The following NACA variants were observed in gnomAD, a reference collection of about 807,000 sequenced individuals.
NACA encodes nascent polypeptide-associated complex subunit alpha.
A neutral mutation model predicts 86.4 loss-of-function variants in NACA; 42 were observed. That is an observed-to-expected ratio of 0.49 (90% CI 0.38 to 0.63). The LOEUF is 0.63. Among genes scored for constraint, NACA ranks in the 20% least tolerant of loss-of-function variants. The pLI, the probability that NACA is intolerant of heterozygous loss-of-function variation, is 0.00. For synonymous variants in NACA, 898 were observed against 973.7 expected (o/e 0.92, Z 1.45); for missense variants, 2,157 against 2,483.6 (o/e 0.87, Z 2.80).
In NACA at chr12:56,716,805, G is replaced by T; in HGVS notation, c.4725C>A (p.Ser1575=). ...PTPKEAPATP[S]SKEASSPPAV... is the part of the protein sequence containing the mutation. ...CTGGGGGACTGGAGGCCTCTTTGGAGGATGGGGTAGCTGGGGCTTCTTTGG... is the reference window on the plus strand; with the variant it reads ...CTGGGGGACTGGAGGCCTCTTTGGATGATGGGGTAGCTGGGGCTTCTTTGG... Residue 1575 remains serine, a synonymous_variant, in exon 3 of 9, where the codon TCC becomes TCA. Coordinates refer to ENST00000454682, the MANE Select transcript of NACA (RefSeq NM_001365896.1). 7.5e-7 allele frequency: 1 copy of T among 1,340,902 alleles called. No individual in the cohort carries two copies. The highest frequency in any genetic ancestry group is 9.8e-7 in the Non-Finnish European group (1 of 1,024,418). The allele number at this position is 1,340,902 out of a possible 1,614,324, so 83.1% of individuals were successfully genotyped here. A position where few individuals can be genotyped will look rare whatever the true frequency, so the allele number is the denominator to read the frequency against.
chr12:56,717,223 G>C lies in NACA; in HGVS notation c.4307C>G (p.Pro1436Arg). The change falls in exon 3 of 9, where the codon CCA becomes CGA. Residue 1436 changes from proline to arginine, a missense_variant. By Grantham distance (103) the Pro-to-Arg change is moderately radical. Transcript: ENST00000454682. Reference protein sequence around the residue: ...ATPSKGDLTPPAVTPVSLKKA... With the variant: ...ATPSKGDLTPRAVTPVSLKKA... The stretch of plus-strand genomic sequence containing the variant: ...TTTGAGGGAGACAGGAGTCACTGCT[G>C]GGGGAGTGAGATCTCCTTTGGATGG... 7.6e-7 allele frequency: 1 copy of C among 1,318,242 alleles called. No individual in the cohort carries two copies. Among genetic ancestry groups the C allele is most frequent in the Non-Finnish European group, 9.9e-7 (1 of 1,011,716 alleles). 81.7% of individuals were successfully genotyped at this position (1,318,242 alleles called of 1,614,324 possible).
In NACA at chr12:56,717,079, A is replaced by C; in HGVS notation, c.4451T>G (p.Val1484Gly). Residue 1484 changes from valine (V) to glycine (G), a missense_variant, in exon 3 of 9, where the codon GTT becomes GGT. This residue lies in a region of NACA where 797 missense variants were observed against 777.6 expected (regional missense o/e 1.02). Transcript: ENST00000454682. Reference protein sequence around the residue: ...SPKEPPAPKQVATSSSPKKAP... With the variant: ...SPKEPPAPKQGATSSSPKKAP... ...CTTTTTGGGAGAGGAAGAAGTGGCA[A>C]CTTGTTTGGGGGCTGGGGGCTCCTT... 1 of 1,175,086 alleles carries C rather than the reference A, an allele frequency of 8.5e-7. No homozygotes were observed. Among genetic ancestry groups the C allele is most frequent in the Non-Finnish European group, 1.1e-6 (1 of 941,306 alleles). The allele number at this position is 1,175,086 out of a possible 1,614,324, so 72.8% of individuals were successfully genotyped here. A position where few individuals can be genotyped will look rare whatever the true frequency, so the allele number is the denominator to read the frequency against.
chr12:56,718,163 T>G lies in NACA; in HGVS notation c.3367A>C (p.Lys1123Gln), dbSNP rs761002168. 1.5e-5 allele frequency: 13 copies of G among 840,900 alleles called. 4 individuals are homozygous for G. The highest frequency in any genetic ancestry group is 1.1e-5 in the Non-Finnish European group (8 of 697,228). 52.1% of individuals were successfully genotyped at this position (840,900 alleles called of 1,614,324 possible). A position where few individuals can be genotyped will look rare whatever the true frequency, so the allele number is the denominator to read the frequency against. Residue 1123 changes from lysine to glutamine, a missense_variant, in exon 3 of 9, where the codon AAA (lysine) becomes CAA (glutamine). Around this residue, in one of 8 missense-constraint regions of NACA, gnomAD observed 124 missense variants for 186.5 expected, o/e 0.66. Transcript: ENST00000454682. ...PKGGLATPPHKGAPTTPAATP... is the reference protein window; with the variant it reads ...PKGGLATPPHQGAPTTPAATP... ...GCAGCTGGGGTTGTGGGTGCCCCTT[T>G]GTGGGGTGGGGTAGCTAGACCTCCT... is the stretch of plus-strand genomic sequence containing the variant.
intron 8 of NACA, 88 bp downstream of exon 8, chr12:56,712,698 A>C: frequency 6.2e-7 from 1 of 1,605,046 alleles, no homozygotes; most frequent in South Asian, 1.1e-5. Context: ...GAGGTTCCTT[A>C]ATTGGCTGAT....
Position 56,721,009 on chromosome 12 carries a change from G to A in NACA, c.521C>T (p.Thr174Ile), listed in dbSNP as rs1953559803. The change falls in exon 3 of 9, where the codon ACT (threonine) becomes ATT (isoleucine). Residue 174 changes from threonine (T) to isoleucine (I), a missense_variant. Coordinates refer to ENST00000454682, the MANE Select transcript of NACA (RefSeq NM_001365896.1). ...TGAGGGAGCAATGGGAGCTGACAGA[G>A]TTATCACTGACCCTGACTCAGCTAC... is the stretch of plus-strand genomic sequence containing the variant. ...VAVAESGSVI[T>I]LSAPIAPSEP... 3 of 1,613,920 alleles carry A rather than the reference G, an allele frequency of 1.9e-6. No homozygotes were observed. Among genetic ancestry groups the A allele is most frequent in the Non-Finnish European group, 2.5e-6 (3 of 1,179,900 alleles).
rs890684112 is a variant in NACA, at chr12:56,721,219, G to C, written c.311C>G (p.Pro104Arg). The change falls in exon 3 of 9, where the codon CCA becomes CGA. Residue 104 changes from proline to arginine, a missense_variant. Coordinates refer to ENST00000454682, the MANE Select transcript of NACA (RefSeq NM_001365896.1). ...GGAGATGGGAGGCCCTATTAGGTTT[G>C]GTAGGAAGGTTGGGGCTTCAGGGGC... The part of the protein sequence containing the change: ...GTAPEAPTFL[P>R]NLIGPPISPA... The C allele has an allele frequency of 6.2e-7, 1 of 1,613,692 alleles. No individual in the cohort carries two copies. Among genetic ancestry groups the C allele is most frequent in the South Asian group, 1.1e-5 (1 of 91,082 alleles).
intron 5 of NACA, 77 bp downstream of exon 5, chr12:56,714,285 A>C (rs1953288828): frequency 2.7e-6 from 4 of 1,491,140 alleles, no homozygotes; most frequent in South Asian, 2.4e-5. Context: ...CCTGTTCCCC[A>C]AAAACCTATG....
rs376361769 is a variant in NACA at position 56,717,547 on chromosome 12, G to A, written c.3983C>T (p.Pro1328Leu). 253 of 1,299,956 alleles carry A rather than the reference G, an allele frequency of 1.9e-4. 1 individual carries two copies. Among genetic ancestry groups the A allele is most frequent in the Non-Finnish European group, 2.3e-4 (231 of 1,002,776 alleles). The allele number at this position is 1,299,956 out of a possible 1,614,324, so 80.5% of individuals were successfully genotyped here. A position where few individuals can be genotyped will look rare whatever the true frequency, so the allele number is the denominator to read the frequency against. The change falls in exon 3 of 9, where the codon CCC becomes CTC. Residue 1328 changes from proline to leucine, a missense_variant. Transcript: ENST00000454682. ...PSPKGSPGTP[P>L]PKGAPTPPAV... ...TGGGGGAGTGGGGGCCCCTTTGGGGGGTGGGGTACCTGGGCTTCCTTTTGG... is the reference window on the plus strand; with the variant it reads ...TGGGGGAGTGGGGGCCCCTTTGGGGAGTGGGGTACCTGGGCTTCCTTTTGG...
Position 56,719,860 on chromosome 12 carries a change from G to C in NACA, c.1670C>G (p.Pro557Arg). 1 of 1,613,924 alleles carries C rather than the reference G, an allele frequency of 6.2e-7. No homozygotes were observed. Among genetic ancestry groups the C allele is most frequent in the South Asian group, 1.1e-5 (1 of 91,070 alleles). ...TGCCTGGACTAACGGTAATACAGTAGGGTCTTTCTTGGTGGTGAGTCCTGC... is the reference window on the plus strand; with the variant it reads ...TGCCTGGACTAACGGTAATACAGTACGGTCTTTCTTGGTGGTGAGTCCTGC... ...AQAGLTTKKD[P>R]TVLPLVQAAP... Residue 557 changes from proline (P) to arginine (R), a missense_variant, in exon 3 of 9, where the codon CCT becomes CGT. Physicochemically the swap from Pro to Arg is moderately radical, Grantham distance 103. Coordinates refer to ENST00000454682, the MANE Select transcript of NACA (RefSeq NM_001365896.1).
rs758758576 is a variant in NACA at position 56,716,812 on chromosome 12, G to A, written c.4718C>T (p.Thr1573Ile). The stretch of plus-strand genomic sequence containing the variant: ...ACTGGAGGCCTCTTTGGAGGATGGG[G>A]TAGCTGGGGCTTCTTTGGGGGTTGG... The part of the protein sequence containing the change: ...AIPTPKEAPA[T>I]PSSKEASSPP... Residue 1573 changes from threonine to isoleucine, a missense_variant, in exon 3 of 9, where the codon ACC becomes ATC. Thr to Ile is a moderately conservative substitution (Grantham distance 89, BLOSUM62 -1). Around this residue, in one of 8 missense-constraint regions of NACA, gnomAD observed 797 missense variants for 777.6 expected, o/e 1.02. Coordinates refer to ENST00000454682, the MANE Select transcript of NACA (RefSeq NM_001365896.1). 2.3e-6 allele frequency: 3 copies of A among 1,333,236 alleles called. No homozygotes were observed. Among genetic ancestry groups the A allele is most frequent in the Non-Finnish European group, 2.9e-6 (3 of 1,020,656 alleles). The allele number at this position is 1,333,236 out of a possible 1,614,324, so 82.6% of individuals were successfully genotyped here. A position where few individuals can be genotyped will look rare whatever the true frequency, so the allele number is the denominator to read the frequency against.
Position 56,716,466 on chromosome 12 carries a change from TG to T in NACA, c.5063del (p.Pro1688GlnfsTer86), listed in dbSNP as rs2137807837. The T allele has an allele frequency of 1.3e-6, 2 of 1,558,826 alleles. No homozygotes were observed. The highest frequency in any genetic ancestry group is 5.0e-5 in the East Asian group (2 of 40,208). ...TGATGATTGGCGTGCTTTCTGGAGCTGGGGCAACAAGTACTTCTTTCAGAGC... is the reference window on the plus strand; with the variant it reads ...TGATGATTGGCGTGCTTTCTGGAGCTGGGCAACAAGTACTTCTTTCAGAGC... ...PTALKEVLVA[P>X]APESTPIITA... On this transcript the variant is annotated frameshift_variant, in exon 3 of 9. Coordinates refer to ENST00000454682, the MANE Select transcript of NACA (RefSeq NM_001365896.1). LOFTEE classifies it high-confidence loss of function.
chr12:56,712,659 A>G, intron 8 of NACA, 107 bp from the exon 9 acceptor site: 1 of 1,595,788 alleles, frequency 6.3e-7, no homozygotes, highest in Non-Finnish European at 8.6e-7. Context: ...ACTAAAACCT[A>G]TACGGCAACT....
chr12:56,714,197 G>T (rs1249470870), intron 5 of NACA, 165 bp downstream of exon 5: 4 of 644,352 alleles, frequency 6.2e-6, no homozygotes, highest in Non-Finnish European at 1.1e-5. Flanking sequence ...TGGGTTCAGT[G>T]TATACTGCTT....
At position 56,721,249 on chromosome 12, in the gene NACA, C is replaced by T. The variant is rs779904430; in HGVS notation, c.281G>A (p.Gly94Glu). The T allele has an allele frequency of 6.2e-7, 1 of 1,613,440 alleles. No individual in the cohort carries two copies. Among genetic ancestry groups the T allele is most frequent in the South Asian group, 1.1e-5 (1 of 91,040 alleles). The change falls in exon 3 of 9, where the codon GGA becomes GAA. Residue 94 changes from glycine to glutamate, a missense_variant. Gly to Glu is a moderately conservative substitution (Grantham distance 98). Around this residue, in one of 8 missense-constraint regions of NACA, gnomAD observed 947 missense variants for 917.9 expected, o/e 1.03. Transcript: ENST00000454682. ...GAAGGTTGGGGCTTCAGGGGCAGTT[C>T]CCAAAGGTAGGGCTGTTCCAGAGGA... The part of the protein sequence containing the change: ...QSSSGTALPL[G>E]TAPEAPTFLP...
chr12:56,718,789 GT>G lies in NACA; in HGVS notation c.2740del (p.Thr914LeufsTer101). ...TCGGGCCTTTTTGGGGGAGGAAGAAGTCATGGATAGAGCAGGAGCCTGTTTG... is the reference window on the plus strand; with the variant it reads ...TCGGGCCTTTTTGGGGGAGGAAGAAGCATGGATAGAGCAGGAGCCTGTTTG... ...APKQAPALSMTSSSPKKARAT... is the reference protein window; with the variant it reads ...APKQAPALSMXSSSPKKARAT... On this transcript the variant is annotated frameshift_variant, in exon 3 of 9. Transcript: ENST00000454682. LOFTEE classifies it high-confidence loss of function. The G allele has an allele frequency of 6.9e-7, 1 of 1,445,474 alleles. No individual in the cohort carries two copies. Among genetic ancestry groups the G allele is most frequent in the Non-Finnish European group, 9.3e-7 (1 of 1,070,816 alleles). The allele number at this position is 1,445,474 out of a possible 1,614,324, so 89.5% of individuals were successfully genotyped here.
chr12:56,714,710 C>A lies in NACA; in HGVS notation c.5660-23G>T, dbSNP rs377508251. On this transcript the variant is annotated intron_variant, in intron 3 of 8. Transcript: ENST00000454682. ...ACCCTAAGATGAGAAACAACTTTTA[C>A]TGCTTTATAGTAGAAATTATAAGAG... The A allele has an allele frequency of 1.6e-5, 26 of 1,605,854 alleles. No individual in the cohort carries two copies. The African/African-American group carries it at 2.9e-4, about 18-fold the overall frequency.
chr12:56,722,891 G>A (rs994370799), intron 2 of NACA, among the ~76,000 whole-genome samples: 2 of 151,874 alleles, frequency 1.3e-5, no homozygotes, highest in African/African-American at 4.8e-5. Flanking sequence ...ATGTTAAGGG[G>A]GGCGGGGGGG....
Position 56,718,326 on chromosome 12 carries a change from T to A in NACA, c.3204A>T (p.Lys1068Asn). The change falls in exon 3 of 9, where the codon AAA (lysine) becomes AAT (asparagine). Residue 1068 changes from lysine to asparagine, a missense_variant. By Grantham distance (94) the Lys-to-Asn change is moderately conservative. This residue lies in a region of NACA where 124 missense variants were observed against 186.5 expected (regional missense o/e 0.66). Coordinates refer to ENST00000454682, the MANE Select transcript of NACA (RefSeq NM_001365896.1). Reference sequence around the variant, plus strand: ...TGAGGGATGGGGTAGCTGGACCTCCTTTTGGGGAGGGAAGAGTTGCAGCTG... The same window carrying A: ...TGAGGGATGGGGTAGCTGGACCTCCATTTGGGGAGGGAAGAGTTGCAGCTG... ...TTPAATLPSP[K>N]GGPATPSLKG... 8 of 1,144,248 alleles carry A rather than the reference T, an allele frequency of 7.0e-6. No individual in the cohort carries two copies. The highest frequency in any genetic ancestry group is 8.7e-6 in the Non-Finnish European group (8 of 917,802). 70.9% of individuals were successfully genotyped at this position (1,144,248 alleles called of 1,614,324 possible). A position where few individuals can be genotyped will look rare whatever the true frequency, so the allele number is the denominator to read the frequency against.
chr12:56,712,743 G>A, intron 8 of NACA, 43 bp downstream of exon 8: 1 of 1,612,908 alleles, frequency 6.2e-7, no homozygotes, highest in East Asian at 2.2e-5. Context: ...CTCATAATTG[G>A]TCAGGGCAGA....
Sources: gnomAD v4.1 joint callset for allele counts (sites outside exome capture counted in the v4.1 genomes callset) on GRCh38, gnomAD v4.1.1 for gene constraint, gnomAD v4.1.1 regional missense constraint, MANE v1.5 for transcripts, NCBI Gene and HGNC (gene_info 2026-07-23, HGNC 2026-07-21) for gene names.